Variants in KCNH1 observed in about 807,000 individuals in gnomAD.
The protein encoded by KCNH1 is voltage-gated delayed rectifier potassium channel KCNH1.
A neutral mutation model predicts 69.2 loss-of-function variants in KCNH1; 27 were observed. That is an observed-to-expected ratio of 0.39 (90% CI 0.29 to 0.54). The LOEUF (loss-of-function observed/expected upper bound fraction) is 0.54, where lower values mean the gene tolerates loss of function less well. Ranked by LOEUF, KCNH1 falls within the 20% of genes least tolerant of loss-of-function variation. KCNH1 has a pLI of 0.68. For missense variants in KCNH1, 798 were observed against 1,261.6 expected, an observed-to-expected ratio of 0.63 and a Z score of 5.57; for synonymous variants, 456 against 487.7, an observed-to-expected ratio of 0.93 and a Z score of 0.86.
At chr1:211,128,213 C>G (rs544441035) in intron 1 of KCNH1, among the ~76,000 whole-genome samples, 1 of 148,890 alleles carries the variant, frequency 6.7e-6, no homozygotes, top group Non-Finnish European at 1.5e-5. Flanking sequence ...TGCTTGAACC[C>G]GGGAGGCGGA....
At chr1:210,761,604 A>T (rs753541989) in intron 10 of KCNH1, among the ~76,000 whole-genome samples, 4 of 152,196 alleles carry the variant, frequency 2.6e-5, no homozygotes, top group Non-Finnish European at 5.9e-5. Flanking sequence ...GTCTTATATC[A>T]CATAAAATAG....
rs188276834 is a variant in KCNH1, at chr1:210,928,016, T to G, written c.1033-7947A>C. Among the ~76,000 whole-genome samples, 292 of 152,194 alleles carry G rather than the reference T, an allele frequency of 1.9e-3. 2 individuals carry two copies. Among genetic ancestry groups the G allele is most frequent in the African/African-American group, 6.5e-3 (269 of 41,524 alleles). On this transcript the variant is annotated intron_variant, in intron 6 of 10. Coordinates refer to ENST00000271751, the MANE Select transcript of KCNH1 (RefSeq NM_172362.3). ...CTTGTCCAACAGGAAAATATGACAA[T>G]TCTAAATATATATGCACCTAAAACT...
At chr1:210,766,264 G>A (rs181471821) in intron 10 of KCNH1, among the ~76,000 whole-genome samples, 24 of 151,994 alleles carry the variant, frequency 1.6e-4, no homozygotes, top group African/African-American at 1.2e-4. Flanking sequence ...GGTAGTTCCC[G>A]CCTGTAATCC....
intron 10 of KCNH1, among the ~76,000 whole-genome samples, chr1:210,735,848 AAG>A (rs1682868144): frequency 6.6e-6 from 1 of 151,800 alleles, no homozygotes; most frequent in South Asian, 2.1e-4. Flanking sequence ...GAGAGCGCAC[AAG>A]AGAGAGTACA....
chr1:210,871,525 C>T (rs1686246504), intron 7 of KCNH1, among the ~76,000 whole-genome samples: 1 of 152,078 alleles, frequency 6.6e-6, no homozygotes, highest in Non-Finnish European at 1.5e-5. Flanking sequence ...CTAGAAATAC[C>T]ATTTGACCCA....
At chr1:210,986,283 A>G (rs1688832424) in intron 6 of KCNH1, among the ~76,000 whole-genome samples, 1 of 152,180 alleles carries the variant, frequency 6.6e-6, no homozygotes, top group Admixed American at 6.5e-5. Flanking sequence ...GCTCATTTAC[A>G]TTTAAGGTTA....
At chr1:210,955,733 G>A (rs1357485296) in intron 6 of KCNH1, among the ~76,000 whole-genome samples, 1 of 151,972 alleles carries the variant, frequency 6.6e-6, no homozygotes, top group Admixed American at 6.5e-5. Flanking sequence ...GAATCCTTGT[G>A]ATTTTTGCAC....
chr1:210,988,797 C>T (rs2102387075), intron 6 of KCNH1, among the ~76,000 whole-genome samples: 1 of 152,250 alleles, frequency 6.6e-6, no homozygotes, highest in South Asian at 2.1e-4. Context: ...ACCAGATTCT[C>T]TCTAGAAGAA....
chr1:210,990,112 T>C (rs958442013), intron 6 of KCNH1, among the ~76,000 whole-genome samples: 3 of 152,222 alleles, frequency 2.0e-5, no homozygotes, highest in African/African-American at 7.2e-5. Flanking sequence ...TTACATTCAA[T>C]TTAGCTAATG....
chr1:211,082,839 G>A lies in KCNH1; in HGVS notation c.499C>T (p.Gln167Ter). 1 of 1,614,162 alleles carries A rather than the reference G, an allele frequency of 6.2e-7. No homozygotes were observed. The highest frequency in any genetic ancestry group is 8.5e-7 in the Non-Finnish European group (1 of 1,180,024). Residue 167 changes from glutamine to a stop codon, truncating the protein, a stop_gained, in exon 5 of 11, where the codon CAG (glutamine) becomes TAG (stop). Coordinates refer to ENST00000271751, the MANE Select transcript of KCNH1 (RefSeq NM_172362.3). LOFTEE classifies it high-confidence loss of function. The stretch of plus-strand genomic sequence containing the variant: ...CCTTTTTGCACGCTTGGAGCCAGCT[G>A]CTGCAGGACACCCCTGCTGCTTGTC... ...ALTSSRGVLQ[Q>*]LAPSVQKGEN...
intron 7 of KCNH1, among the ~76,000 whole-genome samples, chr1:210,894,541 GTTTTCTCTT>G (rs1686822137): frequency 6.6e-6 from 1 of 152,146 alleles, no homozygotes; most frequent in Non-Finnish European, 1.5e-5. Context: ...TATCTTCCTA[GTTTTCTCTT>G]TGTGCAGCCC....
At chr1:211,071,960 C>T (rs559098081) in intron 5 of KCNH1, among the ~76,000 whole-genome samples, 1 of 152,038 alleles carries the variant, frequency 6.6e-6, no homozygotes, top group African/African-American at 2.4e-5. Context: ...GAATTTTGGG[C>T]CCTGTGAAAT....
intron 5 of KCNH1, among the ~76,000 whole-genome samples, chr1:211,049,138 T>C (rs2102438920): frequency 6.6e-6 from 1 of 152,180 alleles, no homozygotes; most frequent in African/African-American, 2.4e-5. Flanking sequence ...GAGCTGGACA[T>C]GAAAATGGAC....
At chr1:211,129,240 G>T (rs1428187037) in intron 1 of KCNH1, among the ~76,000 whole-genome samples, 1 of 152,118 alleles carries the variant, frequency 6.6e-6, no homozygotes, top group Non-Finnish European at 1.5e-5. Context: ...TAAAATGTTT[G>T]TTTACAAGCC....
chr1:210,811,345 T>C (rs184532896), intron 7 of KCNH1, among the ~76,000 whole-genome samples: 59 of 152,322 alleles, frequency 3.9e-4, no homozygotes, highest in Admixed American at 1.2e-3. Context: ...AGGTACTTAT[T>C]GTCACTAATA....
chr1:210,955,154 A>T (rs1029201358), intron 6 of KCNH1, among the ~76,000 whole-genome samples: 5 of 152,236 alleles, frequency 3.3e-5, no homozygotes, highest in Admixed American at 6.5e-5. Flanking sequence ...TTTATTAAAC[A>T]GGGAATCCTT....
At chr1:210,879,299 A>T (rs1231084602) in intron 7 of KCNH1, among the ~76,000 whole-genome samples, 4 of 152,086 alleles carry the variant, frequency 2.6e-5, no homozygotes, top group Non-Finnish European at 5.9e-5. Flanking sequence ...AAAACCTAAC[A>T]AAGACATTAC....
chr1:211,115,104 T>A (rs1171243569), intron 1 of KCNH1, among the ~76,000 whole-genome samples: 3 of 152,270 alleles, frequency 2.0e-5, no homozygotes, highest in African/African-American at 7.2e-5. Flanking sequence ...TTCTCCTGCC[T>A]CAGCCTCCTG....
intron 6 of KCNH1, among the ~76,000 whole-genome samples, chr1:210,970,864 G>A (rs926138360): frequency 1.3e-5 from 2 of 151,990 alleles, no homozygotes; most frequent in African/African-American, 4.8e-5. Context: ...TACAGAATGG[G>A]AGAAAATTTT....
Sources: allele counts gnomAD v4.1 joint callset (sites outside exome capture counted in the v4.1 genomes callset), GRCh38; gene constraint gnomAD v4.1.1; transcripts MANE v1.5; gene names NCBI Gene and HGNC (gene_info 2026-07-23, HGNC 2026-07-21).